Variants in CCL5 observed in about 807,000 individuals in gnomAD.
CCL5 encodes the protein C-C motif chemokine ligand 5, also known as C-C motif chemokine 5.
In CCL5, 5 loss-of-function variants were observed where a neutral mutation model predicts 9.0. The observed-to-expected ratio is 0.55, with a 90% CI of 0.29 to 1.16. CCL5 has a LOEUF of 1.16. Among genes scored for constraint, CCL5 ranks in the 50% most tolerant of loss-of-function variants. CCL5 has a pLI of 0.08. For synonymous variants in CCL5, 66 were observed against 72.0 expected, an observed-to-expected ratio of 0.92 and a Z score of 0.42; for missense variants, 183 against 183.2, an observed-to-expected ratio of 1.00 and a Z score of 0.01.
At chr17:35,878,066 C>T (rs1458311792) in intron 2 of CCL5, among the ~76,000 whole-genome samples, 5 of 151,790 alleles carry the variant, frequency 3.3e-5, no homozygotes, top group Non-Finnish European at 7.4e-5. Context: ...GGGTAGATCA[C>T]GAGGGCAGGA....
At chr17:35,875,729 G>A (rs1034585275) in intron 2 of CCL5, 8 of 412,172 alleles carry the variant, frequency 1.9e-5, no homozygotes, top group African/African-American at 1.7e-4. Flanking sequence ...CCCGCAGACT[G>A]TGATACCAAA....
chr17:35,878,055 C>T (rs968367973), intron 2 of CCL5, among the ~76,000 whole-genome samples: 4 of 151,664 alleles, frequency 2.6e-5, no homozygotes, highest in South Asian at 2.1e-4. Context: ...GAGGCTGAGG[C>T]GGGTAGATCA....
Position 35,871,978 on chromosome 17 carries a change from G to A in CCL5, c.*292C>T, listed in dbSNP as rs1160177021. ...GCTCTGTCGCCCAGGCTGGAGTGCA[G>A]TGGCGCGATCTCGGCTCACTGCAAG... On this transcript the variant is annotated 3_prime_UTR_variant, in exon 4 of 4. Transcript: ENST00000651122. The A allele has an allele frequency of 7.1e-6, 1 of 139,934 alleles. No individual in the cohort carries two copies. Among genetic ancestry groups the A allele is most frequent in the East Asian group, 2.1e-4 (1 of 4,774 alleles). The allele number at this position is 139,934 out of a possible 1,614,324, so 8.7% of individuals were successfully genotyped here. A position where few individuals can be genotyped will look rare whatever the true frequency, so the allele number is the denominator to read the frequency against.
chr17:35,873,903 A>G (rs2088409017), intron 3 of CCL5, among the ~76,000 whole-genome samples: 1 of 152,172 alleles, frequency 6.6e-6, no homozygotes, highest in Non-Finnish European at 1.5e-5. Flanking sequence ...AAGCACTTGC[A>G]CCAAGTAACC....
chr17:35,874,901 C>T (rs746763526), intron 3 of CCL5, among the ~76,000 whole-genome samples: 18 of 152,076 alleles, frequency 1.2e-4, no homozygotes, highest in East Asian at 1.9e-4. Flanking sequence ...CGTGAGCCAC[C>T]GCACCCAGAT....
At position 35,871,668 on chromosome 17, in the gene CCL5, A is replaced by G. The variant is rs1322339568; in HGVS notation, c.*602T>C. 6.6e-6 allele frequency: 1 copy of G among 152,268 alleles called. No homozygotes were observed. Among genetic ancestry groups the G allele is most frequent in the Non-Finnish European group, 1.5e-5 (1 of 68,068 alleles). 9.4% of individuals were successfully genotyped at this position (152,268 alleles called of 1,614,324 possible). ...GCCCTGGCAAAGCCAAGGCAAAGCC[A>G]GAGCTCAGAACCTAGAGACTTCCTT... On this transcript the variant is annotated 3_prime_UTR_variant, in exon 4 of 4. Coordinates refer to ENST00000651122, the MANE Select transcript of CCL5 (RefSeq NM_001278736.2).
At chr17:35,876,389 G>T (rs976937174) in intron 2 of CCL5, among the ~76,000 whole-genome samples, 2 of 152,214 alleles carry the variant, frequency 1.3e-5, no homozygotes, top group South Asian at 4.2e-4. Context: ...TATCTTGCTG[G>T]CACCTTAGCT....
chr17:35,879,754 T>C (rs1298072352), intron 1 of CCL5, among the ~76,000 whole-genome samples: 1 of 152,138 alleles, frequency 6.6e-6, no homozygotes, highest in East Asian at 1.9e-4. Context: ...TTAAATGTAT[T>C]CACTCTAATA....
chr17:35,876,735 T>C (rs2088445760), intron 2 of CCL5, among the ~76,000 whole-genome samples: 2 of 152,222 alleles, frequency 1.3e-5, no homozygotes, highest in Non-Finnish European at 1.5e-5. Flanking sequence ...TTTGCTGCAT[T>C]TTCCTGACAC....
rs1317273339 is a variant in CCL5 at position 35,872,353 on chromosome 17, G to A, written c.382C>T (p.Leu128Phe). ...AGCAGAAACAGGCAAATTTGTGTAA[G>A]TTCAGGTTCAAGGACTCTCCATCCT... The change falls in exon 4 of 4, where the codon CTT (leucine) becomes TTT (phenylalanine). Residue 128 changes from leucine (L) to phenylalanine (F), a missense_variant. Transcript: ENST00000651122. 8.7e-6 allele frequency: 14 copies of A among 1,612,520 alleles called. No individual in the cohort carries two copies. The highest frequency in any genetic ancestry group is 1.7e-5 in the Admixed American group (1 of 59,950).
rs1213738958 is a variant in CCL5, at chr17:35,875,637, C to G, written c.194G>C (p.Arg65Thr). The stretch of plus-strand genomic sequence containing the variant: ...TCCCTCTCTCTTTGGCATCCTTGAC[C>G]TGTGGCTAGGAAGTCAAAAGGCCAG... Residue 65 changes from arginine to threonine, a missense_variant, in exon 3 of 4, where the codon AGG becomes ACG. Arg to Thr is a moderately conservative substitution (Grantham distance 71). Transcript: ENST00000651122. The G allele has an allele frequency of 1.0e-6, 1 of 984,952 alleles. No homozygotes were observed. Among genetic ancestry groups the G allele is most frequent in the East Asian group, 1.1e-4 (1 of 8,816 alleles). The allele number at this position is 984,952 out of a possible 1,614,324, so 61.0% of individuals were successfully genotyped here.
In CCL5 at chr17:35,872,383, C is replaced by T; in HGVS notation, c.352G>A (p.Glu118Lys). The change falls in exon 4 of 4, where the codon GAG (glutamate) becomes AAG (lysine). Residue 118 changes from glutamate to lysine, a missense_variant. Transcript: ENST00000651122. ...GGTTCAAGGACTCTCCATCCTAGCT[C>T]ATCTCCAAAGAGTTGATGTACTCCC... 6.2e-7 allele frequency: 1 copy of T among 1,613,724 alleles called. No individual in the cohort carries two copies. The highest frequency in any genetic ancestry group is 8.5e-7 in the Non-Finnish European group (1 of 1,179,880).
At chr17:35,873,660 C>G (rs2144020497) in intron 3 of CCL5, among the ~76,000 whole-genome samples, 1 of 152,350 alleles carries the variant, frequency 6.6e-6, no homozygotes, top group South Asian at 2.1e-4. Flanking sequence ...AAAGCCTCTG[C>G]TTCTATTTGC....
intron 3 of CCL5, among the ~76,000 whole-genome samples, chr17:35,873,059 T>A (rs1225242515): frequency 6.6e-6 from 1 of 151,826 alleles, no homozygotes; most frequent in East Asian, 1.9e-4. Flanking sequence ...CCAGCTAATT[T>A]TTGTATTTTT....
intron 2 of CCL5, among the ~76,000 whole-genome samples, chr17:35,875,821 A>G (rs1207716760): frequency 6.6e-6 from 1 of 151,820 alleles, no homozygotes; most frequent in Non-Finnish European, 1.5e-5. Context: ...CCTTCTGCCT[A>G]CCCCTTAAGA....
Position 35,872,396 on chromosome 17 carries a change from T to C in CCL5, c.339A>G (p.Gln113=), listed in dbSNP as rs750745230. Reference sequence around the variant, plus strand: ...TCCATCCTAGCTCATCTCCAAAGAGTTGATGTACTCCCGAACCCATTTCTT... The same window carrying C: ...TCCATCCTAGCTCATCTCCAAAGAGCTGATGTACTCCCGAACCCATTTCTT... The change falls in exon 4 of 4, where the codon CAA becomes CAG. Residue 113 remains glutamine (Q), a synonymous_variant. Transcript: ENST00000651122. 3.1e-6 allele frequency: 5 copies of C among 1,613,492 alleles called. No homozygotes were observed. In the South Asian group the frequency reaches 5.5e-5, roughly 18 times the overall value.
chr17:35,878,731 A>G, intron 1 of CCL5, 92 bp from the exon 2 acceptor site: 1 of 747,226 alleles, frequency 1.3e-6, no homozygotes, highest in Non-Finnish European at 2.2e-6. Context: ...TTATTTAGAA[A>G]GAACTGTTAT....
At position 35,872,345 on chromosome 17, in the gene CCL5, T is replaced by A. The variant is rs372562673; in HGVS notation, c.390A>T (p.Gln130His). ...CAAGAGCAAGCAGAAACAGGCAAAT[T>A]TGTGTAAGTTCAGGTTCAAGGACTC... is the stretch of plus-strand genomic sequence containing the variant. Residue 130 changes from glutamine (Q) to histidine (H), a missense_variant, in exon 4 of 4, where the codon CAA becomes CAT. Gln to His is a conservative substitution (Grantham distance 24). Transcript: ENST00000651122. 6.2e-7 allele frequency: 1 copy of A among 1,610,582 alleles called. No homozygotes were observed. Among genetic ancestry groups the A allele is most frequent in the Non-Finnish European group, 8.5e-7 (1 of 1,177,808 alleles).
Position 35,872,441 on chromosome 17 carries a change from T to C in CCL5, c.294A>G (p.Pro98=). The C allele has an allele frequency of 6.2e-7, 1 of 1,614,036 alleles. No individual in the cohort carries two copies. The highest frequency in any genetic ancestry group is 8.5e-7 in the Non-Finnish European group (1 of 1,180,002). Residue 98 remains proline, a synonymous_variant, in exon 4 of 4, where the codon CCA becomes CCG. Coordinates refer to ENST00000651122, the MANE Select transcript of CCL5 (RefSeq NM_001278736.2). The stretch of plus-strand genomic sequence containing the variant: ...TTTCTTCTCTGGGTTGGCACACACT[T>C]GGCGGTTCTTTCGGGTGACAAAGCT...
Sources: gnomAD v4.1 joint callset for allele counts (sites outside exome capture counted in the v4.1 genomes callset) on GRCh38, gnomAD v4.1.1 for gene constraint, MANE v1.5 for transcripts, NCBI Gene and HGNC (gene_info 2026-07-23, HGNC 2026-07-21) for gene names.